The following RABGAP1L variants were observed in gnomAD, a reference collection of about 807,000 sequenced individuals.
RABGAP1L encodes rab GTPase-activating protein 1-like.
RABGAP1L carries 63 observed loss-of-function variants against 137.7 expected under a neutral mutation model. The ratio of observed to expected loss-of-function variants is 0.46; its 90% confidence interval spans 0.37 to 0.56. The LOEUF (loss-of-function observed/expected upper bound fraction) is 0.56. RABGAP1L is among the 20% of genes least tolerant of loss of function. The pLI is 0.00. For missense variants in RABGAP1L, 1,095 were observed against 1,244.0 expected (o/e 0.88, Z 1.80); for synonymous variants, 431 against 433.7 (o/e 0.99, Z 0.08).
intron 13 of RABGAP1L, chr1:174,548,368 G>T: frequency 9.5e-7 from 1 of 1,047,896 alleles, no homozygotes; most frequent in Non-Finnish European, 1.2e-6. Context: ...TACTTTAAAA[G>T]TCCTGTCTAC....
At chr1:174,840,110 A>G (rs1168282758) in intron 19 of RABGAP1L, among the ~76,000 whole-genome samples, 1 of 152,228 alleles carries the variant, frequency 6.6e-6, no homozygotes, top group Non-Finnish European at 1.5e-5. Context: ...CTAGAACATC[A>G]GAACATCTGC....
At chr1:174,726,532 A>G (rs1681997979) in intron 17 of RABGAP1L, among the ~76,000 whole-genome samples, 1 of 152,058 alleles carries the variant, frequency 6.6e-6, no homozygotes, top group South Asian at 2.1e-4. Flanking sequence ...AATTGCTAGG[A>G]TAAAGAGAGG....
At chr1:174,317,715 C>T (rs1679518782) in intron 11 of RABGAP1L, among the ~76,000 whole-genome samples, 1 of 152,128 alleles carries the variant, frequency 6.6e-6, no homozygotes, top group Non-Finnish European at 1.5e-5. Context: ...CTATGACTTG[C>T]CTAAGAGTTG....
intron 13 of RABGAP1L, among the ~76,000 whole-genome samples, chr1:174,620,510 T>C (rs893538856): frequency 1.3e-5 from 2 of 152,098 alleles, no homozygotes; most frequent in Admixed American, 1.3e-4. Context: ...ACATGGAAAC[T>C]GAACAACCTG....
chr1:174,857,401 T>C lies in RABGAP1L; in HGVS notation c.2340+45441T>C, dbSNP rs1649495106. 5.9e-5 allele frequency among the ~76,000 whole-genome samples: 9 copies of C among 152,340 alleles called. No individual in the cohort carries two copies. In the South Asian group the frequency reaches 1.9e-3, roughly 32 times the overall value. On this transcript the variant is annotated intron_variant, in intron 19 of 25. Transcript: ENST00000681986. ...TCCTAATTTTTAAAAATGAAATTTA[T>C]TTTTGCTTTTTCATTTGTCTAAGAC...
chr1:174,422,086 A>G (rs1172313980), intron 13 of RABGAP1L, among the ~76,000 whole-genome samples: 3 of 152,140 alleles, frequency 2.0e-5, no homozygotes, highest in Non-Finnish European at 4.4e-5. Context: ...AAAGTTTATC[A>G]TCATTCCAGG....
At chr1:174,302,879 C>T (rs1677851200) in intron 10 of RABGAP1L, among the ~76,000 whole-genome samples, 2 of 152,128 alleles carry the variant, frequency 1.3e-5, no homozygotes, top group Admixed American at 1.3e-4. Context: ...TTTGAAGATG[C>T]ATGTTGGTTT....
At chr1:174,927,585 G>A (rs910443936) in intron 19 of RABGAP1L, among the ~76,000 whole-genome samples, 1 of 152,084 alleles carries the variant, frequency 6.6e-6, no homozygotes, top group Non-Finnish European at 1.5e-5. Context: ...ATGTTGATCA[G>A]ACTGGAGTGC....
chr1:174,914,648 A>AT (rs952505692), intron 19 of RABGAP1L, among the ~76,000 whole-genome samples: 136 of 150,588 alleles, frequency 9.0e-4, no homozygotes, highest in African/African-American at 3.1e-3. Flanking sequence ...TTCTGGCTAG[A>AT]TTTTTTTTTT....
chr1:174,374,527 A>AGT (rs77555041), intron 12 of RABGAP1L, among the ~76,000 whole-genome samples: 2 of 151,808 alleles, frequency 1.3e-5, no homozygotes, highest in African/African-American at 2.4e-5. Context: ...CCTAGATATC[A>AGT]ATATATAGGT....
At chr1:174,911,661 TC>T (rs1660074200) in intron 19 of RABGAP1L, among the ~76,000 whole-genome samples, 1 of 152,168 alleles carries the variant, frequency 6.6e-6, no homozygotes, top group African/African-American at 2.4e-5. Flanking sequence ...AAGTTAAAGC[TC>T]CCTTGCTGAA....
chr1:174,711,016 G>A (rs1336852466), intron 17 of RABGAP1L, among the ~76,000 whole-genome samples: 1 of 152,200 alleles, frequency 6.6e-6, no homozygotes, highest in East Asian at 1.9e-4. Flanking sequence ...CTGCCCCACA[G>A]GGAGGCAGCT....
At chr1:174,369,425 A>C (rs1238117869) in intron 11 of RABGAP1L, among the ~76,000 whole-genome samples, 1 of 152,206 alleles carries the variant, frequency 6.6e-6, no homozygotes, top group Non-Finnish European at 1.5e-5. Flanking sequence ...CCCTGAGCTC[A>C]GGCCCTCCTT....
chr1:174,163,741 A>G (rs1664692317), intron 1 of RABGAP1L, among the ~76,000 whole-genome samples: 1 of 152,106 alleles, frequency 6.6e-6, no homozygotes, highest in South Asian at 2.1e-4. Context: ...CCAGTTTAGT[A>G]AGCTTAAATA....
intron 13 of RABGAP1L, among the ~76,000 whole-genome samples, chr1:174,467,108 A>G (rs1657387981): frequency 6.6e-6 from 1 of 152,226 alleles, no homozygotes; most frequent in African/African-American, 2.4e-5. Flanking sequence ...CTTTAAATGC[A>G]TGTGCACACA....
intron 1 of RABGAP1L, among the ~76,000 whole-genome samples, chr1:174,211,606 T>C (rs1053916126): frequency 6.6e-6 from 1 of 152,068 alleles, no homozygotes; most frequent in African/African-American, 2.4e-5. Flanking sequence ...GTAACAGTTA[T>C]AGGAGTAAGT....
chr1:174,695,932 C>T (rs570743258), intron 15 of RABGAP1L, among the ~76,000 whole-genome samples: 6 of 152,282 alleles, frequency 3.9e-5, no homozygotes, highest in African/African-American at 1.4e-4. Flanking sequence ...TCTCTTCTCT[C>T]ACTTTCCCCT....
chr1:174,698,652 A>G (rs1679428968), intron 15 of RABGAP1L, among the ~76,000 whole-genome samples: 2 of 152,164 alleles, frequency 1.3e-5, no homozygotes, highest in Non-Finnish European at 2.9e-5. Context: ...CTTTTATATA[A>G]TGGAATACTA....
chr1:174,808,802 C>T (rs917505003), intron 18 of RABGAP1L, among the ~76,000 whole-genome samples: 10 of 151,836 alleles, frequency 6.6e-5, no homozygotes, highest in Non-Finnish European at 1.0e-4. Context: ...TACAGGCATG[C>T]GCCACCACGC....
Sources: allele counts gnomAD v4.1 joint callset (sites outside exome capture counted in the v4.1 genomes callset), GRCh38; gene constraint gnomAD v4.1.1; transcripts MANE v1.5; gene names NCBI Gene and HGNC (gene_info 2026-07-23, HGNC 2026-07-21).